The following CCDC3 variants were observed in gnomAD, a reference collection of about 807,000 sequenced individuals.
The protein encoded by CCDC3 is coiled-coil domain containing 3.
A neutral mutation model predicts 21.4 loss-of-function variants in CCDC3; 24 were observed. The observed-to-expected ratio is 1.12, with a 90% CI of 0.81 to 1.58. The LOEUF (loss-of-function observed/expected upper bound fraction) is 1.58, where lower values mean the gene tolerates loss of function less well. Among genes scored for constraint, CCDC3 ranks in the 40% most tolerant of loss-of-function variants. CCDC3 has a pLI of 0.00. For synonymous variants in CCDC3, 186 were observed against 166.0 expected (o/e 1.12, Z -0.93); for missense variants, 425 against 360.9 (o/e 1.18, Z -1.44).
At chr10:13,045,977 T>C (rs1836520666) in intron 5 of CCDC3, among the ~76,000 whole-genome samples, 1 of 151,398 alleles carries the variant, frequency 6.6e-6, no homozygotes, top group Non-Finnish European at 1.5e-5. Flanking sequence ...AAATCCCAGC[T>C]ACTCAGGAAG....
At chr10:13,008,688 C>T (rs956395431) in intron 5 of CCDC3, among the ~76,000 whole-genome samples, 8 of 152,170 alleles carry the variant, frequency 5.3e-5, no homozygotes, top group African/African-American at 1.9e-4. Flanking sequence ...TGTGGATATA[C>T]ACTTTTATCT....
intron 2 of CCDC3, among the ~76,000 whole-genome samples, chr10:12,927,137 T>C (rs573484304): frequency 2.6e-5 from 4 of 152,298 alleles, no homozygotes; most frequent in African/African-American, 9.6e-5. Flanking sequence ...AAATGGAAAT[T>C]TCCGAACACA....
At chr10:13,076,613 A>G (rs1176269990) in intron 3 of CCDC3, among the ~76,000 whole-genome samples, 2 of 152,268 alleles carry the variant, frequency 1.3e-5, no homozygotes, top group Non-Finnish European at 2.9e-5. Context: ...CTATGTAGTT[A>G]TTAAACATGC....
At chr10:13,001,077 G>A (rs1020307002) in intron 1 of CCDC3, 120 bp downstream of exon 1, 82 of 1,298,972 alleles carry the variant, frequency 6.3e-5, no homozygotes, top group Admixed American at 2.3e-4. Context: ...GCGCCCCAGG[G>A]GCATTCTCAC....
At chr10:13,056,161 T>C (rs1836677886) in intron 4 of CCDC3, among the ~76,000 whole-genome samples, 2 of 152,208 alleles carry the variant, frequency 1.3e-5, no homozygotes, top group African/African-American at 4.8e-5. Flanking sequence ...TCCAAGTCAA[T>C]GCAGGGACTT....
chr10:12,899,640 T>C (rs1349397385), intron 2 of CCDC3, among the ~76,000 whole-genome samples: 1 of 152,184 alleles, frequency 6.6e-6, no homozygotes, highest in Non-Finnish European at 1.5e-5. Context: ...TCCGTGTGAA[T>C]GGTGGTGTAG....
At chr10:12,905,192 G>C (rs1174687211) in intron 2 of CCDC3, among the ~76,000 whole-genome samples, 1 of 152,152 alleles carries the variant, frequency 6.6e-6, no homozygotes, top group Admixed American at 6.5e-5. Context: ...AGAAAACCCA[G>C]AGCAGTGATC....
At chr10:13,019,030 G>A (rs892677847) in intron 5 of CCDC3, among the ~76,000 whole-genome samples, 2 of 151,898 alleles carry the variant, frequency 1.3e-5, no homozygotes, top group Admixed American at 6.6e-5. Flanking sequence ...TCAGGAGATC[G>A]AGACCATCCT....
chr10:13,085,287 T>A (rs1401494249), intron 3 of CCDC3, among the ~76,000 whole-genome samples: 1 of 152,152 alleles, frequency 6.6e-6, no homozygotes, highest in Non-Finnish European at 1.5e-5. Flanking sequence ...AGGGAGCCAC[T>A]CCAGTGGTTC....
At chr10:13,038,790 G>A (rs1011940593) in intron 5 of CCDC3, among the ~76,000 whole-genome samples, 3 of 152,206 alleles carry the variant, frequency 2.0e-5, no homozygotes, top group Non-Finnish European at 2.9e-5. Context: ...TCTTGCTCCC[G>A]CTGATGTAGC....
intron 2 of CCDC3, among the ~76,000 whole-genome samples, chr10:12,982,822 A>T (rs1313851665): frequency 7.0e-6 from 1 of 143,790 alleles, no homozygotes; most frequent in South Asian, 2.2e-4. Flanking sequence ...AAAAAAAACC[A>T]TACCTCTATG....
At position 12,919,272 on chromosome 10, in the gene CCDC3, C is replaced by T. The variant is rs76329076; in HGVS notation, c.550-20593G>A. On this transcript the variant is annotated intron_variant, in intron 2 of 2. Transcript: ENST00000378825. The stretch of plus-strand genomic sequence containing the variant: ...TTTTTACACAGATCATGTATTTGTA[C>T]ATGCTTTGCTTGTGTAACTAGAAAT... 7.6e-3 allele frequency among the ~76,000 whole-genome samples: 1,163 copies of T among 152,146 alleles called. 15 individuals are homozygous for T. The highest frequency in any genetic ancestry group is 0.031 in the East Asian group (158 of 5,158).
chr10:12,967,741 G>A lies in CCDC3; in HGVS notation c.549+30597C>T, dbSNP rs142625990. On this transcript the variant is annotated intron_variant, in intron 2 of 2. Transcript: ENST00000378825. ...AAAAAACATAGGGGCAAAGGGGTAG[G>A]CAAGCTTAAACAATAGCAGAAAACA... 5.9e-3 allele frequency among the ~76,000 whole-genome samples: 894 copies of A among 152,224 alleles called. 6 individuals are homozygous for A. Among genetic ancestry groups the A allele is most frequent in the Non-Finnish European group, 8.9e-3 (604 of 68,004 alleles).
At chr10:13,022,896 C>T (rs1191815214) in intron 5 of CCDC3, among the ~76,000 whole-genome samples, 1 of 152,098 alleles carries the variant, frequency 6.6e-6, no homozygotes, top group Non-Finnish European at 1.5e-5. Context: ...TGCAGAACTG[C>T]TTGAAATATA....
intron 2 of CCDC3, among the ~76,000 whole-genome samples, chr10:12,970,413 T>C (rs1455392607): frequency 6.6e-6 from 1 of 152,092 alleles, no homozygotes; most frequent in Non-Finnish European, 1.5e-5. Flanking sequence ...GTAGTATGTA[T>C]TGGAAAATTG....
At chr10:13,024,965 A>G (rs1342287356) in intron 5 of CCDC3, among the ~76,000 whole-genome samples, 2 of 152,062 alleles carry the variant, frequency 1.3e-5, no homozygotes, top group Non-Finnish European at 2.9e-5. Context: ...CTTCTGCCAG[A>G]CTCAAAGCCT....
intron 2 of CCDC3, among the ~76,000 whole-genome samples, chr10:12,983,878 G>A (rs1286012791): frequency 1.3e-5 from 2 of 152,058 alleles, no homozygotes; most frequent in Non-Finnish European, 2.9e-5. Flanking sequence ...TCAGGAGCTG[G>A]AGACCAGCCT....
intron 3 of CCDC3, among the ~76,000 whole-genome samples, chr10:13,090,341 G>A (rs1832549368): frequency 6.6e-6 from 1 of 152,158 alleles, no homozygotes; most frequent in African/African-American, 2.4e-5. Flanking sequence ...ACCTGCCTTG[G>A]CCTCCCAAAG....
chr10:12,924,856 A>G (rs541165516), intron 2 of CCDC3: 1 of 152,324 alleles, frequency 6.6e-6, no homozygotes, highest in East Asian at 1.9e-4. Context: ...TATGTGGTCA[A>G]TTTGGGTCTC....
Sources: gnomAD v4.1 joint callset for allele counts (sites outside exome capture counted in the v4.1 genomes callset) on GRCh38, gnomAD v4.1.1 for gene constraint, MANE v1.5 for transcripts, NCBI Gene and HGNC (gene_info 2026-07-23, HGNC 2026-07-21) for gene names.